PHIP: variants seen among roughly 807,000 people sequenced by gnomAD.
PHIP encodes the protein PH-interacting protein.
A neutral mutation model predicts 236.8 loss-of-function variants in PHIP; 54 were observed. The ratio of observed to expected loss-of-function variants is 0.23; its 90% CI spans 0.18 to 0.29. PHIP has a LOEUF of 0.29. Among genes scored for constraint, PHIP ranks in the 10% least tolerant of loss-of-function variants. The pLI, the probability that PHIP is intolerant of heterozygous loss-of-function variation, is 1.00. For synonymous variants in PHIP, 756 were observed against 718.9 expected (o/e 1.05, Z -0.83); for missense variants, 1,370 against 2,190.8 (o/e 0.63, Z 7.48).
chr6:78,955,659 A>T lies in PHIP; in HGVS notation c.3806T>A (p.Ile1269Asn). 9.2e-7 allele frequency: 1 copy of T among 1,084,546 alleles called. No homozygotes were observed. The highest frequency in any genetic ancestry group is 1.4e-6 in the Non-Finnish European group (1 of 715,218). 67.2% of individuals were successfully genotyped at this position (1,084,546 alleles called of 1,614,324 possible). ...FIKDQTCYNI[I>N]PLYNSMKKKV... ...CTTCTTCATTGAATTATAAAGTGGA[A>T]TTATGTTATAACAAGTCTGATCCCT... The change falls in exon 33 of 40, where the codon ATT (isoleucine) becomes AAT (asparagine). Residue 1269 changes from isoleucine (I) to asparagine (N), a missense_variant. Ile to Asn is a moderately radical substitution (Grantham distance 149, BLOSUM62 -3). Coordinates refer to ENST00000275034, the MANE Select transcript of PHIP (RefSeq NM_017934.7).
intron 6 of PHIP, among the ~76,000 whole-genome samples, chr6:79,043,592 C>T (rs1772333279): frequency 6.6e-6 from 1 of 152,084 alleles, no homozygotes; most frequent in Non-Finnish European, 1.5e-5. Flanking sequence ...ATTAGCTCTC[C>T]CTTAGTTCTC....
chr6:79,072,189 G>A lies in PHIP; in HGVS notation c.189+5259C>T, dbSNP rs566209642. 5.3e-5 allele frequency among the ~76,000 whole-genome samples: 8 copies of A among 152,258 alleles called. No homozygotes were observed. In the South Asian group the frequency reaches 1.0e-3, roughly 20 times the overall value. On this transcript the variant is annotated intron_variant, in intron 4 of 39. Coordinates refer to ENST00000275034, the MANE Select transcript of PHIP (RefSeq NM_017934.7). Reference sequence around the variant, plus strand: ...AATAACTGTATAGAAGGAGGCAGACGCCATAGCCAAATTCTCTTCATATAT... The same window carrying A: ...AATAACTGTATAGAAGGAGGCAGACACCATAGCCAAATTCTCTTCATATAT...
chr6:79,077,986 G>A (rs1353106706), intron 1 of PHIP, 43 bp downstream of exon 1: 2 of 1,603,148 alleles, frequency 1.2e-6, no homozygotes, highest in East Asian at 2.2e-5. Flanking sequence ...GACCGCGGGC[G>A]GAATCGCCCG....
chr6:78,954,994 A>G (rs1226489637), intron 34 of PHIP, 31 bp from the exon 35 acceptor site: 3 of 1,462,540 alleles, frequency 2.1e-6, no homozygotes, highest in Non-Finnish European at 2.7e-6. Context: ...TATATTAATA[A>G]AAGAGCACTT....
intron 29 of PHIP, among the ~76,000 whole-genome samples, chr6:78,963,766 T>G (rs1161698166): frequency 1.3e-5 from 2 of 152,178 alleles, no homozygotes; most frequent in African/African-American, 4.8e-5. Context: ...TCTTTAACAG[T>G]TTTAGCTGAG....
intron 4 of PHIP, among the ~76,000 whole-genome samples, chr6:79,072,172 T>C (rs998604383): frequency 6.6e-6 from 1 of 152,202 alleles, no homozygotes; most frequent in Non-Finnish European, 1.5e-5. Context: ...CAAATAACTG[T>C]ATAGAAGGAG....
Position 78,975,932 on chromosome 6 carries a change from G to T in PHIP, c.2889+2660C>A, listed in dbSNP as rs1355749522. Among the ~76,000 whole-genome samples, 916 of 150,992 alleles carry T rather than the reference G, an allele frequency of 6.1e-3. 19 individuals carry two copies. The highest frequency in any genetic ancestry group is 0.021 in the African/African-American group (860 of 41,204). ...CATGGGTAGGAAGAATCAATATTGT[G>T]AAAATGGCCATACTGCCCAAGGTAA... On this transcript the variant is annotated intron_variant, in intron 24 of 39. Transcript: ENST00000275034.
At chr6:79,021,640 T>A (rs930264512) in intron 9 of PHIP, among the ~76,000 whole-genome samples, 2 of 152,144 alleles carry the variant, frequency 1.3e-5, no homozygotes, top group African/African-American at 2.4e-5. Flanking sequence ...AAGACAAACA[T>A]CACATGTTCT....
Position 79,025,537 on chromosome 6 carries a change from G to T in PHIP, c.905C>A (p.Ala302Asp). The change falls in exon 9 of 40, where the codon GCT becomes GAT. Residue 302 changes from alanine to aspartate, a missense_variant. Physicochemically the swap from Ala to Asp is moderately radical, Grantham distance 126. Coordinates refer to ENST00000275034, the MANE Select transcript of PHIP (RefSeq NM_017934.7). ...DGTICFWLWD[A>D]GTLKINPRPA... ...AACTGACTTTATTTTAAGGGTTCCA[G>T]CATCCCAGAGCCAAAAACAAATAGT... is the stretch of plus-strand genomic sequence containing the variant. The T allele has an allele frequency of 1.2e-6, 2 of 1,601,688 alleles. No individual in the cohort carries two copies. The highest frequency in any genetic ancestry group is 1.7e-6 in the Non-Finnish European group (2 of 1,168,948).
chr6:79,001,863 A>G, intron 17 of PHIP, 36 bp downstream of exon 17: 1 of 1,383,222 alleles, frequency 7.2e-7, no homozygotes, highest in Non-Finnish European at 1.0e-6. Flanking sequence ...CGGTGGGAAG[A>G]AGAAAATTTG....
intron 4 of PHIP, among the ~76,000 whole-genome samples, chr6:79,066,024 T>C (rs1773605141): frequency 6.6e-6 from 1 of 152,090 alleles, no homozygotes; most frequent in Admixed American, 6.5e-5. Flanking sequence ...CACTGGTAAA[T>C]AATTAAAAGA....
chr6:79,058,864 A>G (rs1467689966), intron 6 of PHIP, among the ~76,000 whole-genome samples: 4 of 152,076 alleles, frequency 2.6e-5, no homozygotes, highest in Non-Finnish European at 4.4e-5. Flanking sequence ...ATAGTTTTTC[A>G]AAGACAGGAT....
rs1773480206 is a variant in PHIP at position 78,941,123 on chromosome 6, A to G, written c.5036T>C (p.Val1679Ala). 6.2e-7 allele frequency: 1 copy of G among 1,613,866 alleles called. No homozygotes were observed. The change falls in exon 40 of 40, where the codon GTG (valine) becomes GCG (alanine). Residue 1679 changes from valine (V) to alanine (A), a missense_variant. By Grantham distance (64) the Val-to-Ala change is moderately conservative (BLOSUM62 0). Around this residue, in one of 14 missense-constraint regions of PHIP, gnomAD observed 309 missense variants for 328.3 expected, o/e 0.94. Transcript: ENST00000275034. ...AKPEDLEQNN[V>A]HPIRDEVLPS... ...AAGTACTTCATCTCTGATGGGATGC[A>G]CATTATTTTGCTCTAAATCTTCTGG...
chr6:79,027,739 A>C (rs1582246897), intron 7 of PHIP, among the ~76,000 whole-genome samples: 1 of 152,138 alleles, frequency 6.6e-6, no homozygotes, highest in South Asian at 2.1e-4. Context: ...TTTCTGAGAG[A>C]TGCAGAGGTA....
At chr6:79,020,943 A>C (rs1033928404) in intron 9 of PHIP, among the ~76,000 whole-genome samples, 1 of 151,956 alleles carries the variant, frequency 6.6e-6, no homozygotes, top group African/African-American at 2.4e-5. Context: ...TGACAATGTA[A>C]GTAATTATGT....
intron 23 of PHIP, 112 bp downstream of exon 23, chr6:78,982,774 A>G (rs1768623623): frequency 3.1e-6 from 2 of 644,780 alleles, no homozygotes; most frequent in African/African-American, 1.9e-5. Flanking sequence ...AGTTTTTTCT[A>G]TTATTATTTG....
chr6:78,976,231 A>G (rs904763311), intron 24 of PHIP, among the ~76,000 whole-genome samples: 161 of 146,228 alleles, frequency 1.1e-3, no homozygotes, highest in Non-Finnish European at 2.1e-3. Flanking sequence ...CATATCTACA[A>G]CTATCTGATC....
At chr6:79,016,264 A>G (rs1367644954) in intron 13 of PHIP, among the ~76,000 whole-genome samples, 2 of 152,024 alleles carry the variant, frequency 1.3e-5, no homozygotes, top group African/African-American at 2.4e-5. Flanking sequence ...TAAACGAAAC[A>G]TAATATGTTC....
chr6:78,991,497 G>GAA (rs1025428180), intron 19 of PHIP, among the ~76,000 whole-genome samples: 4 of 152,040 alleles, frequency 2.6e-5, no homozygotes, highest in African/African-American at 9.7e-5. Context: ...CCATCAAGGT[G>GAA]AAACTGAACA....
Sources: gnomAD v4.1 joint callset for allele counts (sites outside exome capture counted in the v4.1 genomes callset) on GRCh38, gnomAD v4.1.1 for gene constraint, gnomAD v4.1.1 regional missense constraint, MANE v1.5 for transcripts, NCBI Gene and HGNC (gene_info 2026-07-23, HGNC 2026-07-21) for gene names.